The following FMN2 variants were observed in gnomAD, a reference collection of about 807,000 sequenced individuals.
FMN2 encodes formin-2.
Under a neutral mutation model 142.3 loss-of-function variants are expected in FMN2, and 51 were observed. The ratio of observed to expected loss-of-function variants is 0.36; its 90% CI spans 0.29 to 0.45. The LOEUF is 0.45. Among genes scored for constraint, FMN2 ranks in the 20% least tolerant of loss-of-function variants. FMN2 has a pLI of 1.00. For synonymous variants in FMN2, 882 were observed against 869.8 expected (o/e 1.01, Z -0.25); for missense variants, 1,936 against 2,122.8 (o/e 0.91, Z 1.73).
In FMN2 at chr1:240,248,090, C is replaced by T. The variant is rs1668140263; in HGVS notation, c.4066-9855C>T. Among the ~76,000 whole-genome samples the T allele has an allele frequency of 2.0e-5, 3 of 151,874 alleles. No homozygotes were observed. The South Asian group carries it at 6.2e-4, about 32-fold the overall frequency. On this transcript the variant is annotated intron_variant, in intron 6 of 17. Coordinates refer to ENST00000319653, the MANE Select transcript of FMN2 (RefSeq NM_020066.5). Reference sequence around the variant, plus strand: ...CCCATTAATCAATCTCTCCTCATCACCTCCCCCTCCACCACCCACCCTACG... The same window carrying T: ...CCCATTAATCAATCTCTCCTCATCATCTCCCCCTCCACCACCCACCCTACG...
At chr1:240,345,046 T>C (rs1186046359) in intron 13 of FMN2, among the ~76,000 whole-genome samples, 1 of 152,228 alleles carries the variant, frequency 6.6e-6, no homozygotes, top group Non-Finnish European at 1.5e-5. Context: ...CATGAGAATG[T>C]TTCATTCTCA....
intron 16 of FMN2, among the ~76,000 whole-genome samples, chr1:240,445,684 A>G (rs1675780438): frequency 6.7e-6 from 1 of 148,998 alleles, no homozygotes; most frequent in African/African-American, 2.5e-5. Flanking sequence ...TGTGCATTCA[A>G]TAGGAAGCCA....
chr1:240,149,216 G>T (rs1663659528), intron 2 of FMN2, among the ~76,000 whole-genome samples: 1 of 152,218 alleles, frequency 6.6e-6, no homozygotes, highest in African/African-American at 2.4e-5. Flanking sequence ...GAAAACTTTT[G>T]CAAGAATCTT....
In FMN2 at chr1:240,375,362, A is replaced by C. The variant is rs1404994451; in HGVS notation, c.4859-17149A>C. ...TGCTGCCGATCTTCAATATGTAAAA[A>C]ATAAAAAATAAAAATAAAACAAAAA... is the stretch of plus-strand genomic sequence containing the variant. On this transcript the variant is annotated intron_variant, in intron 14 of 17. Coordinates refer to ENST00000319653, the MANE Select transcript of FMN2 (RefSeq NM_020066.5). Among the ~76,000 whole-genome samples, 4 of 152,218 alleles carry C rather than the reference A, an allele frequency of 2.6e-5. No individual in the cohort carries two copies. The East Asian group carries it at 7.7e-4, about 29-fold the overall frequency.
At chr1:240,151,622 ATCTT>A (rs1458416597) in intron 2 of FMN2, among the ~76,000 whole-genome samples, 1 of 152,076 alleles carries the variant, frequency 6.6e-6, no homozygotes, top group Non-Finnish European at 1.5e-5. Context: ...GCTTAAGAAA[ATCTT>A]TATGATAGGC....
At chr1:240,219,625 C>G (rs1276731196) in intron 6 of FMN2, among the ~76,000 whole-genome samples, 2 of 152,014 alleles carry the variant, frequency 1.3e-5, no homozygotes, top group Admixed American at 1.3e-4. Context: ...AAAGCCATAA[C>G]CATTTGCAAA....
chr1:240,170,647 A>G (rs1319664195), intron 2 of FMN2: 3 of 1,573,712 alleles, frequency 1.9e-6, no homozygotes, highest in African/African-American at 1.4e-5. Flanking sequence ...TGTTGCTAAA[A>G]TAGATTCTTT....
chr1:240,219,683 C>T (rs901249551), intron 6 of FMN2, among the ~76,000 whole-genome samples: 3 of 151,464 alleles, frequency 2.0e-5, no homozygotes, highest in Non-Finnish European at 2.9e-5. Context: ...GAGACGGGGT[C>T]TCACTCTGTC....
chr1:240,124,969 G>A (rs1240819550), intron 2 of FMN2, among the ~76,000 whole-genome samples: 1 of 152,096 alleles, frequency 6.6e-6, no homozygotes, highest in East Asian at 1.9e-4. Flanking sequence ...CCTGGCCGTG[G>A]TTTTTCATCA....
chr1:240,184,782 T>A (rs142428927), intron 3 of FMN2, among the ~76,000 whole-genome samples: 105 of 151,976 alleles, frequency 6.9e-4, no homozygotes, highest in African/African-American at 2.5e-3. Flanking sequence ...GAGTGATCAC[T>A]TTCATTTAGG....
Position 240,206,960 on chromosome 1 carries a change from A to G in FMN2, c.2148A>G (p.Thr716=). The G allele has an allele frequency of 6.2e-7, 1 of 1,614,188 alleles. No individual in the cohort carries two copies. The highest frequency in any genetic ancestry group is 1.3e-5 in the African/African-American group (1 of 75,054). ...ATCAAGGGCTTGAGAATGGAGTGAC[A>G]GCCTCAGGCGATGTCTGTCTCGAAG... is the stretch of plus-strand genomic sequence containing the variant. The part of the protein sequence containing the change: ...SGHQGLENGV[T]ASGDVCLEAL... Residue 716 remains threonine, a synonymous_variant, in exon 5 of 18, where the codon ACA becomes ACG. Transcript: ENST00000319653.
intron 15 of FMN2, among the ~76,000 whole-genome samples, chr1:240,430,777 A>G (rs1351105835): frequency 1.3e-5 from 2 of 151,838 alleles, no homozygotes; most frequent in Non-Finnish European, 2.9e-5. Context: ...TTTTGTAAAA[A>G]TTCAGATGAC....
rs558714993 is a variant in FMN2 at position 240,145,026 on chromosome 1, C to T, written c.1782+21681C>T. 7.6e-5 allele frequency: 104 copies of T among 1,374,840 alleles called. No homozygotes were observed. The African/African-American group carries it at 1.4e-3, about 18-fold the overall frequency. The allele number at this position is 1,374,840 out of a possible 1,614,324, so 85.2% of individuals were successfully genotyped here. A position where few individuals can be genotyped will look rare whatever the true frequency, so the allele number is the denominator to read the frequency against. On this transcript the variant is annotated intron_variant, in intron 2 of 17. Coordinates refer to ENST00000319653, the MANE Select transcript of FMN2 (RefSeq NM_020066.5). Reference sequence around the variant, plus strand: ...ATGTCAGCAGCAAAATGCTCATTCTCCCCAGGGGCCATGTTCTCATACATT... The same window carrying T: ...ATGTCAGCAGCAAAATGCTCATTCTTCCCAGGGGCCATGTTCTCATACATT...
At chr1:240,213,970 A>C (rs1434260217) in intron 6 of FMN2, among the ~76,000 whole-genome samples, 2 of 152,244 alleles carry the variant, frequency 1.3e-5, no homozygotes, top group African/African-American at 4.8e-5. Context: ...AGACTGATAG[A>C]AATGAAGAAT....
At chr1:240,376,432 G>C (rs1168130367) in intron 14 of FMN2, among the ~76,000 whole-genome samples, 1 of 150,868 alleles carries the variant, frequency 6.6e-6, no homozygotes, top group African/African-American at 2.4e-5. Context: ...TTATTAATTA[G>C]TATTTTTTAA....
intron 16 of FMN2, among the ~76,000 whole-genome samples, chr1:240,440,141 G>A (rs188511785): frequency 1.3e-3 from 202 of 152,326 alleles, no homozygotes; most frequent in African/African-American, 4.4e-3. Flanking sequence ...CGCTGTCGGA[G>A]AATGGCTTGG....
chr1:240,350,382 T>C (rs530335174), intron 13 of FMN2, among the ~76,000 whole-genome samples: 164 of 152,312 alleles, frequency 1.1e-3, no homozygotes, highest in South Asian at 5.8e-3. Flanking sequence ...ATGGGCATCA[T>C]TGAAAGCACT....
At chr1:240,170,050 C>T in intron 2 of FMN2, 1 of 577,508 alleles carries the variant, frequency 1.7e-6, no homozygotes, top group Admixed American at 3.0e-5. Context: ...GACATTCTGT[C>T]TCTACTCACA....
At chr1:240,259,413 A>T (rs762128636) in intron 7 of FMN2, among the ~76,000 whole-genome samples, 1 of 152,146 alleles carries the variant, frequency 6.6e-6, no homozygotes, top group Non-Finnish European at 1.5e-5. Flanking sequence ...TTGAAGGGTC[A>T]TACAGAATCA....
Sources: gnomAD v4.1 joint callset for allele counts (sites outside exome capture counted in the v4.1 genomes callset) on GRCh38, gnomAD v4.1.1 for gene constraint, MANE v1.5 for transcripts, NCBI Gene and HGNC (gene_info 2026-07-23, HGNC 2026-07-21) for gene names.